The following SLC7A11 variants were observed in gnomAD, a reference collection of about 807,000 sequenced individuals.
The protein encoded by SLC7A11 is cystine/glutamate transporter.
A neutral mutation model predicts 54.5 loss-of-function variants in SLC7A11; 35 were observed. The observed-to-expected ratio is 0.64, with a 90% CI of 0.49 to 0.85. SLC7A11 has a LOEUF of 0.85. Ranked by LOEUF, SLC7A11 falls within the 40% of genes least tolerant of loss-of-function variation. SLC7A11 has a pLI of 0.00. For synonymous variants in SLC7A11, 230 were observed against 225.2 expected (o/e 1.02, Z -0.19); for missense variants, 583 against 618.1 (o/e 0.94, Z 0.60).
intron 1 of SLC7A11, among the ~76,000 whole-genome samples, chr4:138,240,544 G>A (rs950100984): frequency 7.6e-6 from 1 of 130,838 alleles, no homozygotes; most frequent in East Asian, 2.2e-4. Context: ...TCCAGCCTGG[G>A]CAAAGAGCGA....
At chr4:138,205,089 C>A (rs1303502268) in intron 6 of SLC7A11, among the ~76,000 whole-genome samples, 1 of 151,930 alleles carries the variant, frequency 6.6e-6, no homozygotes, top group Non-Finnish European at 1.5e-5. Flanking sequence ...ATCCTCACAA[C>A]CCCATGAGAA....
At chr4:138,188,608 T>C (rs888592725) in intron 6 of SLC7A11, among the ~76,000 whole-genome samples, 2 of 152,158 alleles carry the variant, frequency 1.3e-5, no homozygotes, top group African/African-American at 4.8e-5. Context: ...GGTGAACTGA[T>C]AAAAGCTATT....
chr4:138,210,540 T>C (rs1365544088), intron 6 of SLC7A11, among the ~76,000 whole-genome samples: 1 of 151,738 alleles, frequency 6.6e-6, no homozygotes, highest in Non-Finnish European at 1.5e-5. Flanking sequence ...ACTTAAACAA[T>C]TCAACAAGCA....
chr4:138,237,720 TATATATA>T (rs1738253808), intron 1 of SLC7A11, among the ~76,000 whole-genome samples: 6 of 9,206 alleles, frequency 6.5e-4, no homozygotes, highest in Non-Finnish European at 1.3e-3. Context: ...TATATATATA[TATATATA>T]TATATATATA....
chr4:138,205,913 T>C (rs2148431378), intron 6 of SLC7A11, among the ~76,000 whole-genome samples: 1 of 152,156 alleles, frequency 6.6e-6, no homozygotes, highest in East Asian at 1.9e-4. Context: ...TTGGTTGTTA[T>C]CTATTGCAGT....
intron 10 of SLC7A11, among the ~76,000 whole-genome samples, chr4:138,179,717 T>A (rs1736674295): frequency 6.6e-6 from 1 of 152,182 alleles, no homozygotes; most frequent in East Asian, 1.9e-4. Context: ...CATGATGATT[T>A]ATGGTTTTGA....
Position 138,182,287 on chromosome 4 carries a change from T to C in SLC7A11, c.1116+10A>G. ...GGTTATATCTAGATATACTTGTTAA[T>C]ATGCATTACCAAAACAATAACAGCT... On this transcript the variant is annotated intron_variant, in intron 9 of 11. Coordinates refer to ENST00000280612, the MANE Select transcript of SLC7A11 (RefSeq NM_014331.4). The C allele has an allele frequency of 2.0e-6, 3 of 1,534,282 alleles. No homozygotes were observed. Among genetic ancestry groups the C allele is most frequent in the Non-Finnish European group, 2.7e-6 (3 of 1,107,828 alleles).
intron 6 of SLC7A11, among the ~76,000 whole-genome samples, chr4:138,189,122 A>G (rs1265791079): frequency 6.6e-6 from 1 of 152,178 alleles, no homozygotes; most frequent in African/African-American, 2.4e-5. Flanking sequence ...AAATTGTTAA[A>G]TGGAAATCTC....
chr4:138,181,631 C>G (rs1280784012), intron 9 of SLC7A11, among the ~76,000 whole-genome samples: 1 of 152,022 alleles, frequency 6.6e-6, no homozygotes, highest in Non-Finnish European at 1.5e-5. Context: ...ACAACAGACT[C>G]CAGTTGAGAG....
At position 138,170,258 on chromosome 4, in the gene SLC7A11, A is replaced by ATG. The variant is rs1736385925; in HGVS notation, c.*1697_*1698insCA. ...AGTGTGTGTGTGTGTGTGTATATAT[A>ATG]TATATATATATATACACACACACAC... On this transcript the variant is annotated 3_prime_UTR_variant, in exon 12 of 12. Transcript: ENST00000280612. The ATG allele has an allele frequency of 1.0e-5, 1 of 95,338 alleles. No individual in the cohort carries two copies. Among genetic ancestry groups the ATG allele is most frequent in the African/African-American group, 3.7e-5 (1 of 27,296 alleles). 5.9% of individuals were successfully genotyped at this position (95,338 alleles called of 1,614,324 possible).
intron 2 of SLC7A11, among the ~76,000 whole-genome samples, chr4:138,234,374 A>G (rs1213635666): frequency 2.0e-5 from 3 of 152,214 alleles, no homozygotes; most frequent in African/African-American, 4.8e-5. Flanking sequence ...TATTAGTAAA[A>G]GAAGAGAAAT....
At chr4:138,196,448 T>C (rs920517929) in intron 6 of SLC7A11, among the ~76,000 whole-genome samples, 5 of 152,204 alleles carry the variant, frequency 3.3e-5, no homozygotes, top group Admixed American at 1.3e-4. Context: ...CTTCTAAATA[T>C]ACAACAGCCA....
rs144175546 is a variant in SLC7A11, at chr4:138,187,920, A to G, written c.792-2676T>C. Among the ~76,000 whole-genome samples the G allele has an allele frequency of 4.6e-3, 703 of 152,280 alleles. 6 individuals carry two copies. Among genetic ancestry groups the G allele is most frequent in the Non-Finnish European group, 5.7e-3 (390 of 68,004 alleles). On this transcript the variant is annotated intron_variant, in intron 6 of 11. Coordinates refer to ENST00000280612, the MANE Select transcript of SLC7A11 (RefSeq NM_014331.4). ...TGCCTCAGATAAACAGAAACAGACTAACAATCTTACTATCAGCCAAATATA... is the reference window on the plus strand; with the variant it reads ...TGCCTCAGATAAACAGAAACAGACTGACAATCTTACTATCAGCCAAATATA...
chr4:138,242,161 C>T lies in SLC7A11; in HGVS notation c.-92G>A. On this transcript the variant is annotated 5_prime_UTR_variant, in exon 1 of 12. Transcript: ENST00000280612. Reference sequence around the variant, plus strand: ...CTTGGTGTTACTGATCGATGTCTTCCTCTGCTTTCAGACTGTCTCTCTCAG... The same window carrying T: ...CTTGGTGTTACTGATCGATGTCTTCTTCTGCTTTCAGACTGTCTCTCTCAG... 3 of 1,403,348 alleles carry T rather than the reference C, an allele frequency of 2.1e-6. No individual in the cohort carries two copies. Among genetic ancestry groups the T allele is most frequent in the Non-Finnish European group, 2.9e-6 (3 of 1,035,172 alleles). The allele number at this position is 1,403,348 out of a possible 1,614,324, so 86.9% of individuals were successfully genotyped here. A position where few individuals can be genotyped will look rare whatever the true frequency, so the allele number is the denominator to read the frequency against.
chr4:138,230,189 C>T (rs1236790915), intron 3 of SLC7A11, among the ~76,000 whole-genome samples: 2 of 151,914 alleles, frequency 1.3e-5, no homozygotes, highest in Non-Finnish European at 2.9e-5. Flanking sequence ...CATGTTTTCA[C>T]GTATAAGTGG....
At position 138,236,424 on chromosome 4, in the gene SLC7A11, G is replaced by C; in HGVS notation, c.305C>G (p.Thr102Arg). The C allele has an allele frequency of 6.2e-7, 1 of 1,611,332 alleles. No individual in the cohort carries two copies. The highest frequency in any genetic ancestry group is 8.5e-7 in the Non-Finnish European group (1 of 1,178,878). The change falls in exon 2 of 12, where the codon ACA (threonine) becomes AGA (arginine). Residue 102 changes from threonine (T) to arginine (R), a missense_variant. Physicochemically the swap from Thr to Arg is moderately conservative, Grantham distance 71. Coordinates refer to ENST00000280612, the MANE Select transcript of SLC7A11 (RefSeq NM_014331.4). The stretch of plus-strand genomic sequence containing the variant: ...ATGACCTCCAGATTTCTTTATAGTT[G>C]TTCCCAATTCAGCATAAGACAAAGC... ...FGALSYAELG[T>R]TIKKSGGHYT...
At chr4:138,235,595 A>C (rs1199161482) in intron 2 of SLC7A11, among the ~76,000 whole-genome samples, 2 of 152,170 alleles carry the variant, frequency 1.3e-5, no homozygotes, top group African/African-American at 4.8e-5. Context: ...TGCACATCAC[A>C]TTTTATCAAA....
intron 1 of SLC7A11, among the ~76,000 whole-genome samples, chr4:138,237,597 C>A (rs11723941): frequency 0.78 from 112,214 of 144,142 alleles, 44,346 homozygotes; most frequent in Non-Finnish European, 0.86. Context: ...AGGGTTTCAC[C>A]ATGTTGGCCA....
At chr4:138,182,222 A>G (rs1736759153) in intron 9 of SLC7A11, 75 bp downstream of exon 9, 2 of 920,212 alleles carry the variant, frequency 2.2e-6, no homozygotes, top group Admixed American at 1.8e-5. Flanking sequence ...ATACTATCTA[A>G]TGTCTGGTTG....
Sources: allele counts gnomAD v4.1 joint callset (sites outside exome capture counted in the v4.1 genomes callset), GRCh38; gene constraint gnomAD v4.1.1; transcripts MANE v1.5; gene names NCBI Gene and HGNC (gene_info 2026-07-23, HGNC 2026-07-21).